CACNA1C: variants seen among roughly 807,000 people sequenced by gnomAD.
CACNA1C encodes the protein voltage-dependent L-type calcium channel subunit alpha-1C.
In CACNA1C, 30 loss-of-function variants were observed where a neutral mutation model predicts 229.0. The observed-to-expected ratio is 0.13, with a 90% CI of 0.10 to 0.18. CACNA1C has a LOEUF of 0.18. Ranked by LOEUF, CACNA1C falls within the 10% of genes least tolerant of loss-of-function variation. CACNA1C has a pLI of 1.00. For synonymous variants in CACNA1C, 1,114 were observed against 1,132.5 expected (o/e 0.98, Z 0.33); for missense variants, 1,658 against 2,845.0 (o/e 0.58, Z 9.49).
intron 3 of CACNA1C, among the ~76,000 whole-genome samples, chr12:2,144,718 A>T (rs973784244): frequency 6.6e-6 from 1 of 151,442 alleles, no homozygotes; most frequent in African/African-American, 2.4e-5. Context: ...TGTCTCATGA[A>T]GATGACATTT....
intron 3 of CACNA1C, among the ~76,000 whole-genome samples, chr12:2,396,370 G>A (rs375658563): frequency 1.3e-5 from 2 of 152,128 alleles, no homozygotes; most frequent in East Asian, 1.9e-4. Context: ...TTCGGTGTCC[G>A]AGTCAAGGGG....
intron 5 of CACNA1C, among the ~76,000 whole-genome samples, chr12:2,458,306 G>A (rs2099458471): frequency 6.6e-6 from 1 of 152,136 alleles, no homozygotes; most frequent in African/African-American, 2.4e-5. Context: ...GGAAGGGTTT[G>A]GAGAGGTATT....
rs754157685 is a variant in CACNA1C at position 2,034,540 on chromosome 12, G to C, written c.139+63339G>C. On this transcript the variant is annotated intron_variant, in intron 1 of 46. Coordinates refer to the CACNA1C transcript ENST00000682462. This position sits in a 1 kb window ranked among gnomAD's most constrained non-coding sequence, Gnocchi z 4.1. ...TACTGTGGTGGGTATTTAATACTAAGAGTCCCTCTTAATACTTTCTGTTTT... is the reference window on the plus strand; with the variant it reads ...TACTGTGGTGGGTATTTAATACTAACAGTCCCTCTTAATACTTTCTGTTTT... Among the ~76,000 whole-genome samples, 22 of 152,200 alleles carry C rather than the reference G, an allele frequency of 1.4e-4. No homozygotes were observed. The highest frequency in any genetic ancestry group is 2.2e-4 in the Non-Finnish European group (15 of 68,048).
intron 1 of CACNA1C, among the ~76,000 whole-genome samples, chr12:1,981,790 T>A (rs902506864): frequency 1.1e-4 from 16 of 151,870 alleles, no homozygotes; most frequent in African/African-American, 3.9e-4. Flanking sequence ...TCCAGGGAGG[T>A]AAAGTTCCAG....
At chr12:2,306,712 A>C (rs2095054550) in intron 3 of CACNA1C, among the ~76,000 whole-genome samples, 1 of 152,222 alleles carries the variant, frequency 6.6e-6, no homozygotes, top group African/African-American at 2.4e-5. Flanking sequence ...TAGTCAAAAA[A>C]AGTTTGAGAC....
At chr12:2,544,090 GT>G (rs1373149745) in intron 9 of CACNA1C, among the ~76,000 whole-genome samples, 1 of 151,640 alleles carries the variant, frequency 6.6e-6, no homozygotes, top group Non-Finnish European at 1.5e-5. Flanking sequence ...CTTGAACCAA[GT>G]GGCTCATTTC....
Position 2,521,389 on chromosome 12 carries a change from G to A in CACNA1C, c.1390+8405G>A, listed in dbSNP as rs1431506635. Reference sequence around the variant, plus strand: ...AGAGAGCAGCTGTGTTCCTGGGATCGCTGGCTAGCCAGCCACCCTGCAGGG... The same window carrying A: ...AGAGAGCAGCTGTGTTCCTGGGATCACTGGCTAGCCAGCCACCCTGCAGGG... On this transcript the variant is annotated intron_variant, in intron 9 of 46. Coordinates refer to ENST00000399655, the MANE Select transcript of CACNA1C (RefSeq NM_000719.7). 4.6e-5 allele frequency among the ~76,000 whole-genome samples: 7 copies of A among 152,144 alleles called. No individual in the cohort carries two copies. In the East Asian group the frequency reaches 5.8e-4, roughly 13 times the overall value.
At chr12:2,031,050 A>C (rs1398643372) in intron 1 of CACNA1C, among the ~76,000 whole-genome samples, 1 of 152,178 alleles carries the variant, frequency 6.6e-6, no homozygotes, top group Admixed American at 6.5e-5. Flanking sequence ...ACCCATAATT[A>C]AGGATGGACA....
intron 3 of CACNA1C, among the ~76,000 whole-genome samples, chr12:2,429,125 G>A (rs949069648): frequency 6.6e-5 from 10 of 151,884 alleles, no homozygotes; most frequent in African/African-American, 2.2e-4. Flanking sequence ...ACTCAGCTTT[G>A]CCTCGGTGGT....
intron 18 of CACNA1C, among the ~76,000 whole-genome samples, chr12:2,591,997 C>T (rs1390781682): frequency 6.6e-6 from 1 of 152,164 alleles, no homozygotes; most frequent in Non-Finnish European, 1.5e-5. Context: ...CATTTAGGGC[C>T]CATCCTAGCG....
chr12:2,411,100 C>A (rs1380446424), intron 3 of CACNA1C, among the ~76,000 whole-genome samples: 1 of 152,074 alleles, frequency 6.6e-6, no homozygotes, highest in South Asian at 2.1e-4. Flanking sequence ...CTGCTCCGCC[C>A]GTGTATGTGT....
At chr12:2,286,837 A>G (rs1421274112) in intron 3 of CACNA1C, among the ~76,000 whole-genome samples, 1 of 152,272 alleles carries the variant, frequency 6.6e-6, no homozygotes, top group East Asian at 1.9e-4. Flanking sequence ...TAACAGGAGA[A>G]AGGATTTCTT....
chr12:2,186,902 GA>G (rs2097040522), intron 3 of CACNA1C, among the ~76,000 whole-genome samples: 1 of 152,106 alleles, frequency 6.6e-6, no homozygotes, highest in African/African-American at 2.4e-5. Context: ...AAACATATGT[GA>G]CACTTCTTGC....
chr12:2,684,492 C>T (rs1472064920), intron 43 of CACNA1C, among the ~76,000 whole-genome samples: 4 of 152,184 alleles, frequency 2.6e-5, no homozygotes, highest in Non-Finnish European at 4.4e-5. Context: ...TAAACTATTT[C>T]GGTTATTCTA....
At chr12:2,626,845 G>C (rs569061119) in intron 29 of CACNA1C, among the ~76,000 whole-genome samples, 1 of 152,260 alleles carries the variant, frequency 6.6e-6, no homozygotes, top group South Asian at 2.1e-4. Context: ...GTATGCCCAA[G>C]CCTTGCATAG....
At chr12:2,572,741 C>CCTCCTT in intron 13 of CACNA1C, among the ~76,000 whole-genome samples, 1 of 127,246 alleles carries the variant, frequency 7.9e-6, no homozygotes, top group Non-Finnish European at 1.7e-5. Context: ...TCTTCCTGCT[C>CCTCCTT]CTTCTCCTCT....
rs370090255 is a variant in CACNA1C, at chr12:2,688,716, G to A, written c.6054G>A (p.Val2018=). The stretch of plus-strand genomic sequence containing the variant: ...GAGTCCGGCCCGTCTCCCTCATGGT[G>A]CCCAGCCAGGCTGGGGCCCCAGGGA... The part of the protein sequence containing the change: ...ARRVRPVSLM[V]PSQAGAPGRQ... The change falls in exon 46 of 47, where the codon GTG becomes GTA. Residue 2018 remains valine, a synonymous_variant. Coordinates refer to ENST00000399655, the MANE Select transcript of CACNA1C (RefSeq NM_000719.7). 3.7e-6 allele frequency: 6 copies of A among 1,605,212 alleles called. No homozygotes were observed. The African/African-American group carries it at 5.4e-5, about 14-fold the overall frequency.
At chr12:2,423,688 C>T (rs1191383764) in intron 3 of CACNA1C, among the ~76,000 whole-genome samples, 1 of 152,116 alleles carries the variant, frequency 6.6e-6, no homozygotes, top group African/African-American at 2.4e-5. Context: ...GAAACTGACC[C>T]CACAGTCTGT....
chr12:2,345,150 A>G (rs1437839779), intron 3 of CACNA1C, among the ~76,000 whole-genome samples: 1 of 151,612 alleles, frequency 6.6e-6, no homozygotes, highest in Non-Finnish European at 1.5e-5. Context: ...TAGAAGGCTC[A>G]GTCCCTCTGA....
Sources: allele counts gnomAD v4.1 joint callset (sites outside exome capture counted in the v4.1 genomes callset), GRCh38; gene constraint gnomAD v4.1.1; non-coding constraint Gnocchi (gnomAD v3.1); transcripts MANE v1.5; gene names NCBI Gene and HGNC (gene_info 2026-07-23, HGNC 2026-07-21).